RBFOX1: variants seen among roughly 807,000 people sequenced by gnomAD.
The protein encoded by RBFOX1 is RNA binding protein fox-1 homolog 1.
In RBFOX1, 8 loss-of-function variants were observed where a neutral mutation model predicts 57.7. The observed-to-expected ratio is 0.14, with a 90% CI of 0.08 to 0.25. RBFOX1 has a LOEUF of 0.25. Among genes scored for constraint, RBFOX1 ranks in the 10% least tolerant of loss-of-function variants. The pLI is 1.00. For synonymous variants in RBFOX1, 326 were observed against 222.4 expected (o/e 1.47, Z -4.15); for missense variants, 611 against 548.5 (o/e 1.11, Z -1.14).
intron 1 of RBFOX1, among the ~76,000 whole-genome samples, chr16:5,448,196 A>C (rs1202049115): frequency 1.3e-5 from 2 of 152,170 alleles, no homozygotes; most frequent in Non-Finnish European, 2.9e-5. Context: ...CGCATCTTCA[A>C]CTGTGAGGGA....
intron 1 of RBFOX1, among the ~76,000 whole-genome samples, chr16:6,226,733 G>C (rs1342933259): frequency 6.6e-6 from 1 of 152,038 alleles, no homozygotes; most frequent in Non-Finnish European, 1.5e-5. Context: ...TGTAGGCTTT[G>C]ACCCTCACTT....
At chr16:5,665,012 C>T (rs994636289) in intron 3 of RBFOX1, among the ~76,000 whole-genome samples, 8 of 151,812 alleles carry the variant, frequency 5.3e-5, no homozygotes, top group Admixed American at 3.9e-4. Context: ...TGGCACAGTC[C>T]TAGCTCACTG....
chr16:6,656,407 A>G (rs1031369675), intron 3 of RBFOX1, among the ~76,000 whole-genome samples: 2 of 152,164 alleles, frequency 1.3e-5, no homozygotes, highest in Non-Finnish European at 1.5e-5. Flanking sequence ...ATAAGCAGGC[A>G]GGGTAAGCTC....
chr16:6,878,478 A>G (rs2062262786), intron 3 of RBFOX1, among the ~76,000 whole-genome samples: 1 of 152,222 alleles, frequency 6.6e-6, no homozygotes, highest in Non-Finnish European at 1.5e-5. Flanking sequence ...CACCAAATCC[A>G]TGATGGACAT....
At chr16:6,582,499 C>G (rs970563102) in intron 2 of RBFOX1, among the ~76,000 whole-genome samples, 7 of 149,468 alleles carry the variant, frequency 4.7e-5, no homozygotes, top group Non-Finnish European at 1.0e-4. Flanking sequence ...CCTTGGACCT[C>G]AAAGGCCCTG....
At chr16:7,564,500 C>T (rs1391940072) in intron 5 of RBFOX1, among the ~76,000 whole-genome samples, 3 of 140,310 alleles carry the variant, frequency 2.1e-5, no homozygotes, top group African/African-American at 8.1e-5. Flanking sequence ...GAGATTGCAC[C>T]TCTGCACTCC....
At chr16:6,983,096 C>T (rs1257655498) in intron 3 of RBFOX1, among the ~76,000 whole-genome samples, 5 of 149,908 alleles carry the variant, frequency 3.3e-5, no homozygotes, top group African/African-American at 4.9e-5. Context: ...CATGCTGAGA[C>T]ATGAGTTACA....
chr16:6,910,702 G>A (rs993999551), intron 3 of RBFOX1, among the ~76,000 whole-genome samples: 2 of 152,186 alleles, frequency 1.3e-5, no homozygotes, highest in Non-Finnish European at 2.9e-5. Context: ...AGCCAGCAGT[G>A]TGACTCTAAA....
chr16:5,498,162 A>G (rs2043065297), intron 2 of RBFOX1, among the ~76,000 whole-genome samples: 1 of 152,072 alleles, frequency 6.6e-6, no homozygotes, highest in Non-Finnish European at 1.5e-5. Context: ...TGTTTCTGAG[A>G]CAGAGTTTTT....
intron 4 of RBFOX1, among the ~76,000 whole-genome samples, chr16:7,084,735 C>G (rs1449519161): frequency 5.9e-5 from 9 of 152,204 alleles, no homozygotes; most frequent in African/African-American, 1.9e-4. Flanking sequence ...ACCTGTAACT[C>G]TCATTGCAGA....
chr16:7,185,709 A>G (rs547731003), intron 4 of RBFOX1, among the ~76,000 whole-genome samples: 3 of 152,266 alleles, frequency 2.0e-5, no homozygotes, highest in South Asian at 4.1e-4. Flanking sequence ...CTTTTTTGCT[A>G]CCACTGAAAG....
At chr16:7,294,189 T>C (rs979242572) in intron 4 of RBFOX1, among the ~76,000 whole-genome samples, 1 of 152,016 alleles carries the variant, frequency 6.6e-6, no homozygotes, top group Non-Finnish European at 1.5e-5. Flanking sequence ...ACTTGTTCAT[T>C]AGGAGAAATC....
intron 3 of RBFOX1, among the ~76,000 whole-genome samples, chr16:6,701,410 C>G (rs570426045): frequency 3.9e-5 from 6 of 152,306 alleles, no homozygotes; most frequent in Non-Finnish European, 5.9e-5. Context: ...CTGCATTAGT[C>G]TGTTTTACAT....
At chr16:5,451,031 G>A (rs999457061) in intron 1 of RBFOX1, among the ~76,000 whole-genome samples, 1 of 152,180 alleles carries the variant, frequency 6.6e-6, no homozygotes, top group African/African-American at 2.4e-5. Flanking sequence ...TAACCTGGTT[G>A]GCCAGTGCCT....
At chr16:7,327,048 A>G (rs555242086) in intron 4 of RBFOX1, among the ~76,000 whole-genome samples, 1 of 152,172 alleles carries the variant, frequency 6.6e-6, no homozygotes, top group African/African-American at 2.4e-5. Context: ...GAGTCATGAT[A>G]TGGTGTGGGC....
chr16:7,455,492 G>A (rs1383030479), intron 4 of RBFOX1, among the ~76,000 whole-genome samples: 2 of 152,026 alleles, frequency 1.3e-5, no homozygotes, highest in East Asian at 3.9e-4. Context: ...GATAATATAA[G>A]AAATCTTATT....
intron 4 of RBFOX1, among the ~76,000 whole-genome samples, chr16:7,210,342 G>A (rs900052084): frequency 2.0e-5 from 3 of 152,150 alleles, no homozygotes; most frequent in African/African-American, 7.2e-5. Context: ...AGCTGACAGC[G>A]TGGACCACAC....
intron 3 of RBFOX1, among the ~76,000 whole-genome samples, chr16:6,666,584 G>A (rs1246802526): frequency 6.6e-6 from 1 of 151,196 alleles, no homozygotes; most frequent in African/African-American, 2.4e-5. Context: ...AGGTCACCCA[G>A]GTGGTAACTG....
At chr16:7,422,803 C>A (rs938358783) in intron 4 of RBFOX1, 4 of 152,128 alleles carry the variant, frequency 2.6e-5, no homozygotes, top group Admixed American at 2.6e-4. Flanking sequence ...AAGGAGGAAA[C>A]CTGCTTGTTG....
Sources: gnomAD v4.1 joint callset for allele counts (sites outside exome capture counted in the v4.1 genomes callset) on GRCh38, gnomAD v4.1.1 for gene constraint, MANE v1.5 for transcripts, NCBI Gene and HGNC (gene_info 2026-07-23, HGNC 2026-07-21) for gene names.